Variants in DCUN1D2 observed in about 807,000 individuals in gnomAD.
DCUN1D2 encodes defective in cullin neddylation 1 domain containing 2, also known as DCN1-like protein 2.
In DCUN1D2, 29 loss-of-function variants were observed where a neutral mutation model predicts 30.9. That is an observed-to-expected ratio of 0.94 (90% confidence interval 0.70 to 1.28). The LOEUF (loss-of-function observed/expected upper bound fraction) is 1.28. DCUN1D2 is among the 50% of genes most tolerant of loss of function. The pLI is 0.00. For synonymous variants in DCUN1D2, 121 were observed against 115.3 expected (o/e 1.05, Z -0.32); for missense variants, 325 against 316.9 (o/e 1.03, Z -0.19).
chr13:113,480,652 G>T lies in DCUN1D2; in HGVS notation c.312C>A (p.Val104=), dbSNP rs140209051. Residue 104 remains valine (V), a synonymous_variant, in exon 3 of 7, where the codon GTC becomes GTA. Transcript: ENST00000478244. ...TTGCTGCCCTGAACTTCCACGCTAT[G>T]ACCAATACACTGATACTGGCAGGAT... ...SLDPASISVL[V]IAWKFRAATQ... 4.7e-4 allele frequency: 766 copies of T among 1,613,986 alleles called. No individual in the cohort carries two copies. The highest frequency in any genetic ancestry group is 6.2e-4 in the Non-Finnish European group (728 of 1,180,014).
At chr13:113,477,930 T>A (rs2044645817) in intron 3 of DCUN1D2, among the ~76,000 whole-genome samples, 1 of 152,246 alleles carries the variant, frequency 6.6e-6, no homozygotes, top group African/African-American at 2.4e-5. Flanking sequence ...AGTTTCCTGA[T>A]ACTGTGTGTA....
rs987252684 is a variant in DCUN1D2 at position 113,456,099 on chromosome 13, G to A, written c.*1930C>T. On this transcript the variant is annotated 3_prime_UTR_variant, in exon 7 of 7. Coordinates refer to ENST00000478244, the MANE Select transcript of DCUN1D2 (RefSeq NM_001014283.2). ...CATGAAGCCTGGAAGATACGCTCAC[G>A]TTTTTGAGGTTTGTATTAATGCCAG... is the stretch of plus-strand genomic sequence containing the variant. The A allele has an allele frequency of 4.1e-5, 16 of 393,178 alleles. No homozygotes were observed. The highest frequency in any genetic ancestry group is 1.4e-4 in the South Asian group (1 of 7,310). 24.4% of individuals were successfully genotyped at this position (393,178 alleles called of 1,614,324 possible).
chr13:113,490,589 A>G lies in DCUN1D2; in HGVS notation c.3+78T>C, dbSNP rs963523953. The G allele has an allele frequency of 8.4e-7, 1 of 1,190,138 alleles. No homozygotes were observed. 73.7% of individuals were successfully genotyped at this position (1,190,138 alleles called of 1,614,324 possible). ...TCGCTGGGCTCGGCCTCCCACATCC[A>G]GCGCGCCGCCTGCGCCGACCTTGGG... On this transcript the variant is annotated intron_variant, in intron 1 of 6. Transcript: ENST00000478244. The surrounding 1 kb of genome is among the most constrained non-coding windows in gnomAD (Gnocchi z 5.2).
At chr13:113,484,818 G>A (rs1360843563) in intron 1 of DCUN1D2, among the ~76,000 whole-genome samples, 2 of 152,104 alleles carry the variant, frequency 1.3e-5, no homozygotes, top group African/African-American at 4.8e-5. Flanking sequence ...AAAGTAACTT[G>A]ATGATGTAAT....
At chr13:113,466,998 T>C (rs1053686202) in intron 4 of DCUN1D2, among the ~76,000 whole-genome samples, 1 of 151,972 alleles carries the variant, frequency 6.6e-6, no homozygotes, top group Non-Finnish European at 1.5e-5. Context: ...TTAGTAGAGA[T>C]GGGGTTTCAC....
At chr13:113,490,768 G>A (rs1034474548), upstream of DCUN1D2, 8 of 1,093,426 alleles carry the variant, frequency 7.3e-6, no homozygotes, top group African/African-American at 1.7e-5. This position sits in a 1 kb window ranked among gnomAD's most constrained non-coding sequence, Gnocchi z 5.2. Context: ...CTCGGCTCCG[G>A]GGCAGTGCCG....
intron 5 of DCUN1D2, among the ~76,000 whole-genome samples, chr13:113,460,763 G>A (rs2139675237): frequency 6.6e-6 from 1 of 152,342 alleles, no homozygotes; most frequent in South Asian, 2.1e-4. Flanking sequence ...CAACACGGGG[G>A]CTGCTGGGGT....
At chr13:113,482,945 A>AACACAC (rs375385163) in intron 2 of DCUN1D2, among the ~76,000 whole-genome samples, 12 of 151,896 alleles carry the variant, frequency 7.9e-5, no homozygotes, top group Middle Eastern at 3.4e-3. Context: ...CCGTCACATA[A>AACACAC]ACACACACAC....
chr13:113,482,355 G>C (rs1409934205), intron 2 of DCUN1D2, among the ~76,000 whole-genome samples: 1 of 152,082 alleles, frequency 6.6e-6, no homozygotes, highest in Non-Finnish European at 1.5e-5. Flanking sequence ...TTTTTCAAAG[G>C]CTGCTGTATA....
intron 4 of DCUN1D2, chr13:113,468,826 G>A (rs1282984265): frequency 6.6e-6 from 1 of 152,324 alleles, no homozygotes; most frequent in East Asian, 1.9e-4. Flanking sequence ...CAAGTTGTAA[G>A]CTAGGGGATG....
intron 5 of DCUN1D2, among the ~76,000 whole-genome samples, chr13:113,460,414 T>G (rs1399768464): frequency 1.3e-5 from 2 of 152,246 alleles, no homozygotes; most frequent in Non-Finnish European, 2.9e-5. Flanking sequence ...GCAAGAGGTC[T>G]GGGCATCTCT....
intron 4 of DCUN1D2, among the ~76,000 whole-genome samples, chr13:113,465,888 T>C (rs1182817534): frequency 2.0e-5 from 3 of 151,818 alleles, no homozygotes; most frequent in African/African-American, 7.3e-5. Flanking sequence ...TATAGATAGA[T>C]AGATAGATAA....
chr13:113,470,339 T>G (rs2044480720), intron 4 of DCUN1D2, among the ~76,000 whole-genome samples: 1 of 152,192 alleles, frequency 6.6e-6, no homozygotes, highest in Non-Finnish European at 1.5e-5. Context: ...AGGATGAGAC[T>G]GCCTAACAAT....
chr13:113,463,803 T>C (rs933782185), intron 4 of DCUN1D2, among the ~76,000 whole-genome samples: 3 of 151,624 alleles, frequency 2.0e-5, no homozygotes, highest in African/African-American at 2.4e-5. Flanking sequence ...CACAGACATA[T>C]ATAAACAGAC....
In DCUN1D2 at chr13:113,456,552, G is replaced by T. The variant is rs556677067; in HGVS notation, c.*1477C>A. The T allele has an allele frequency of 1.1e-4, 43 of 396,626 alleles. No homozygotes were observed. The highest frequency in any genetic ancestry group is 8.2e-4 in the African/African-American group (40 of 48,726). The allele number at this position is 396,626 out of a possible 1,614,324, so 24.6% of individuals were successfully genotyped here. A position where few individuals can be genotyped will look rare whatever the true frequency, so the allele number is the denominator to read the frequency against. On this transcript the variant is annotated 3_prime_UTR_variant, in exon 7 of 7. Coordinates refer to ENST00000478244, the MANE Select transcript of DCUN1D2 (RefSeq NM_001014283.2). ...GTCCACGTCCTGCACAGTGCTGCAG[G>T]GGGGCAGCAAGGCACGCCTGTGACA...
intron 4 of DCUN1D2, among the ~76,000 whole-genome samples, chr13:113,461,460 T>C (rs1246840617): frequency 6.6e-6 from 1 of 152,242 alleles, no homozygotes; most frequent in Non-Finnish European, 1.5e-5. Context: ...CTGGATACTA[T>C]TAATGCGTAT....
chr13:113,479,332 T>C lies in DCUN1D2; in HGVS notation c.389+1243A>G, dbSNP rs78341609. Among the ~76,000 whole-genome samples, 890 of 152,346 alleles carry C rather than the reference T, an allele frequency of 5.8e-3. 35 individuals carry two copies. The East Asian group carries it at 0.12, about 20-fold the overall frequency. ...CAACAAATACATAAAAACGTAAGTGTGACTGCCTTCTTGGTGAGATAAGCC... is the reference window on the plus strand; with the variant it reads ...CAACAAATACATAAAAACGTAAGTGCGACTGCCTTCTTGGTGAGATAAGCC... On this transcript the variant is annotated intron_variant, in intron 3 of 6. Coordinates refer to ENST00000478244, the MANE Select transcript of DCUN1D2 (RefSeq NM_001014283.2).
At chr13:113,481,776 C>A (rs1049363172) in intron 2 of DCUN1D2, among the ~76,000 whole-genome samples, 1 of 148,196 alleles carries the variant, frequency 6.7e-6, no homozygotes, top group African/African-American at 2.5e-5. Flanking sequence ...CCCAGCTACT[C>A]GGGGGGCTGA....
intron 1 of DCUN1D2, among the ~76,000 whole-genome samples, chr13:113,489,793 C>A (rs1025496233): frequency 3.1e-4 from 47 of 152,250 alleles, no homozygotes; most frequent in African/African-American, 1.0e-3. Flanking sequence ...CAGAGAAATT[C>A]TCCACAGTTC....
Sources: gnomAD v4.1 joint callset for allele counts (sites outside exome capture counted in the v4.1 genomes callset) on GRCh38, gnomAD v4.1.1 for gene constraint, Gnocchi (gnomAD v3.1) non-coding constraint, MANE v1.5 for transcripts, NCBI Gene and HGNC (gene_info 2026-07-23, HGNC 2026-07-21) for gene names.